Variants in RABGAP1L observed in about 807,000 individuals in gnomAD.
RABGAP1L encodes rab GTPase-activating protein 1-like.
Under a neutral mutation model 137.7 loss-of-function variants are expected in RABGAP1L, and 63 were observed. The observed-to-expected ratio is 0.46, with a 90% CI of 0.37 to 0.56. The LOEUF (loss-of-function observed/expected upper bound fraction) is 0.56. Among genes scored for constraint, RABGAP1L ranks in the 20% least tolerant of loss-of-function variants. RABGAP1L has a pLI of 0.00. For missense variants in RABGAP1L, 1,095 were observed against 1,244.0 expected (o/e 0.88, Z 1.80); for synonymous variants, 431 against 433.7 (o/e 0.99, Z 0.08).
At chr1:174,398,395 G>A (rs948915924) in intron 13 of RABGAP1L, among the ~76,000 whole-genome samples, 1 of 151,966 alleles carries the variant, frequency 6.6e-6, no homozygotes, top group Non-Finnish European at 1.5e-5. Flanking sequence ...TTTGTGGCTT[G>A]GCCAGCCTAC....
intron 18 of RABGAP1L, among the ~76,000 whole-genome samples, chr1:174,805,944 T>C (rs1185751658): frequency 1.3e-5 from 2 of 152,156 alleles, no homozygotes; most frequent in Admixed American, 1.3e-4. Context: ...GGGAAAGGAG[T>C]TGCATTTTCA....
At chr1:174,850,143 A>C (rs1648022374) in intron 19 of RABGAP1L, 1 of 468,120 alleles carries the variant, frequency 2.1e-6, no homozygotes, top group Non-Finnish European at 4.3e-6. Context: ...GAAATTCCTG[A>C]TCCTGCGAGT....
In RABGAP1L at chr1:174,935,873, C is replaced by T. The variant is rs189657401; in HGVS notation, c.2341-21584C>T. ...GCACATGCCTGTAATCCCAGCTACT[C>T]AGAAGGCTGAGGCAGGAGAATCGCT... On this transcript the variant is annotated intron_variant, in intron 19 of 25. Coordinates refer to ENST00000681986, the MANE Select transcript of RABGAP1L (RefSeq NM_001366446.1). 8.0e-5 allele frequency among the ~76,000 whole-genome samples: 12 copies of T among 149,536 alleles called. 1 individual carries two copies. The East Asian group carries it at 2.4e-3, about 30-fold the overall frequency.
intron 11 of RABGAP1L, among the ~76,000 whole-genome samples, chr1:174,345,666 A>G (rs575559109): frequency 5.6e-4 from 86 of 152,300 alleles, no homozygotes; most frequent in African/African-American, 1.9e-3. Context: ...GTTTTTCCAA[A>G]TATAAGATCG....
intron 11 of RABGAP1L, among the ~76,000 whole-genome samples, chr1:174,329,422 A>C (rs757973526): frequency 6.6e-6 from 1 of 152,170 alleles, no homozygotes; most frequent in Non-Finnish European, 1.5e-5. Context: ...AACTAATACA[A>C]ATTATTCACA....
At chr1:174,204,286 G>A (rs1210115887) in intron 1 of RABGAP1L, among the ~76,000 whole-genome samples, 1 of 152,154 alleles carries the variant, frequency 6.6e-6, no homozygotes, top group African/African-American at 2.4e-5. Flanking sequence ...CTTTGCTGAA[G>A]TTGTTTATCA....
chr1:174,740,469 T>A (rs528174793), intron 17 of RABGAP1L, among the ~76,000 whole-genome samples: 26 of 152,254 alleles, frequency 1.7e-4, no homozygotes, highest in Non-Finnish European at 1.5e-5. Flanking sequence ...CGGTACAGCC[T>A]CTTGCTCAAT....
intron 14 of RABGAP1L, among the ~76,000 whole-genome samples, chr1:174,643,581 T>C (rs1372801316): frequency 6.6e-6 from 1 of 152,140 alleles, no homozygotes; most frequent in Non-Finnish European, 1.5e-5. Flanking sequence ...CTACTGTGGA[T>C]CAACATAATC....
intron 19 of RABGAP1L, among the ~76,000 whole-genome samples, chr1:174,833,327 G>C (rs1297945170): frequency 6.7e-6 from 1 of 149,332 alleles, no homozygotes; most frequent in African/African-American, 2.4e-5. Context: ...AGCTACTGGA[G>C]TAGCTGGGAC....
Position 174,811,980 on chromosome 1 carries a change from T to C in RABGAP1L, c.2340+20T>C, listed in dbSNP as rs187548951. 338 of 1,567,734 alleles carry C rather than the reference T, an allele frequency of 2.2e-4. 5 individuals are homozygous for C. The East Asian group carries it at 7.1e-3, about 33-fold the overall frequency. On this transcript the variant is annotated intron_variant, in intron 19 of 25. Coordinates refer to ENST00000681986, the MANE Select transcript of RABGAP1L (RefSeq NM_001366446.1). ...ATTAAAGTAAGAACATGAGTTTTTA[T>C]ATAATAAAGGTAAAATATGAGTGCA... is the stretch of plus-strand genomic sequence containing the variant.
intron 11 of RABGAP1L, among the ~76,000 whole-genome samples, chr1:174,345,630 GA>G (rs1250134441): frequency 1.3e-5 from 2 of 152,102 alleles, no homozygotes; most frequent in Non-Finnish European, 2.9e-5. Flanking sequence ...TTATCAGTTT[GA>G]ATAGTTTTTT....
chr1:174,499,700 G>T (rs987384167), intron 13 of RABGAP1L, among the ~76,000 whole-genome samples: 1 of 152,152 alleles, frequency 6.6e-6, no homozygotes, highest in Admixed American at 6.5e-5. Flanking sequence ...GATGTTTAGC[G>T]CAGTGCCTGG....
At chr1:174,692,825 A>G (rs937084293) in intron 15 of RABGAP1L, among the ~76,000 whole-genome samples, 3 of 152,132 alleles carry the variant, frequency 2.0e-5, no homozygotes, top group South Asian at 2.1e-4. Context: ...TGTCTCTTAA[A>G]TATATTTCAC....
At chr1:174,223,091 A>G (rs1669883395) in intron 3 of RABGAP1L, among the ~76,000 whole-genome samples, 1 of 151,910 alleles carries the variant, frequency 6.6e-6, no homozygotes, top group African/African-American at 2.4e-5. Flanking sequence ...AATATAGTGA[A>G]ACCCCGTCTC....
intron 13 of RABGAP1L, among the ~76,000 whole-genome samples, chr1:174,506,734 G>T (rs1182743068): frequency 6.6e-6 from 1 of 152,024 alleles, no homozygotes; most frequent in Non-Finnish European, 1.5e-5. Context: ...ACACTGCTTG[G>T]GTTATGGGTG....
At chr1:174,652,046 C>G (rs963242855) in intron 14 of RABGAP1L, among the ~76,000 whole-genome samples, 6 of 152,158 alleles carry the variant, frequency 3.9e-5, no homozygotes, top group South Asian at 2.1e-4. Context: ...GACAAAATCT[C>G]TCAGCATTTG....
chr1:174,160,034 A>T (rs1385845700), intron 1 of RABGAP1L: 1 of 152,230 alleles, frequency 6.6e-6, no homozygotes, highest in Non-Finnish European at 1.5e-5. Context: ...TCGCAGTCCC[A>T]GCCGCCCTGC....
chr1:174,301,855 G>A (rs931112380), intron 10 of RABGAP1L, among the ~76,000 whole-genome samples: 18 of 152,184 alleles, frequency 1.2e-4, no homozygotes, highest in African/African-American at 3.9e-4. Context: ...TAAAATAGGC[G>A]AAGGCTGGGG....
chr1:174,358,614 C>T (rs1233601644), intron 11 of RABGAP1L, among the ~76,000 whole-genome samples: 1 of 152,168 alleles, frequency 6.6e-6, no homozygotes, highest in East Asian at 1.9e-4. Flanking sequence ...CCTCCTGGTT[C>T]TGTTTTACTT....
Sources: gnomAD v4.1 joint callset for allele counts (sites outside exome capture counted in the v4.1 genomes callset) on GRCh38, gnomAD v4.1.1 for gene constraint, MANE v1.5 for transcripts, NCBI Gene and HGNC (gene_info 2026-07-23, HGNC 2026-07-21) for gene names.